CLDN16: variants seen among roughly 807,000 people sequenced by gnomAD.
The protein encoded by CLDN16 is claudin 16.
A neutral mutation model predicts 24.6 loss-of-function variants in CLDN16; 13 were observed. The observed-to-expected ratio is 0.53, with a 90% CI of 0.34 to 0.84. The LOEUF (loss-of-function observed/expected upper bound fraction) is 0.84. Among genes scored for constraint, CLDN16 ranks in the 40% least tolerant of loss-of-function variants. The probability of loss-of-function intolerance (pLI) is 0.01; values close to 1 mark genes in which losing one functional copy is unlikely to be tolerated. For synonymous variants in CLDN16, 116 were observed against 106.7 expected (o/e 1.09, Z -0.54); for missense variants, 298 against 292.7 (o/e 1.02, Z -0.13).
At chr3:190,298,274 G>A in the CLDN16 span, among the ~76,000 whole-genome samples, 1 of 150,720 alleles carries the variant, frequency 6.6e-6, no homozygotes, top group Non-Finnish European at 1.5e-5. Flanking sequence ...TCTTTCAAAG[G>A]AAACATTATA....
chr3:190,343,551 C>T (rs1258772426), intron 1 of CLDN16, among the ~76,000 whole-genome samples: 1 of 152,034 alleles, frequency 6.6e-6, no homozygotes, highest in Non-Finnish European at 1.5e-5. Context: ...CAGAAACAAC[C>T]TAGGTGTACA....
intron 1 of CLDN16, among the ~76,000 whole-genome samples, chr3:190,335,023 C>CTTTTTTTTTTTTTTTT (rs57744577): frequency 7.4e-5 from 10 of 134,338 alleles, no homozygotes; most frequent in Admixed American, 1.5e-4. Context: ...TTTCTTTTTT[C>CTTTTTTTTTTTTTTTT]TTTTTTTTTT....
At chr3:190,314,071 C>A in the CLDN16 span, among the ~76,000 whole-genome samples, 1 of 152,102 alleles carries the variant, frequency 6.6e-6, no homozygotes, top group African/African-American at 2.4e-5. Flanking sequence ...TTAGCTTTAA[C>A]AAACTGTGCT....
intron 3 of CLDN16, among the ~76,000 whole-genome samples, chr3:190,375,747 C>A (rs1718234234): frequency 6.6e-6 from 1 of 151,810 alleles, no homozygotes; most frequent in Non-Finnish European, 1.5e-5. Flanking sequence ...AAAATGAGTG[C>A]CTCACAGGTT....
At chr3:190,364,421 T>C (rs978131101) in intron 1 of CLDN16, among the ~76,000 whole-genome samples, 4 of 151,952 alleles carry the variant, frequency 2.6e-5, no homozygotes, top group Non-Finnish European at 5.9e-5. Context: ...TTTGTGGTTC[T>C]GACAGAACAT....
chr3:190,387,425 G>A (rs1389482413), upstream of CLDN16, among the ~76,000 whole-genome samples: 1 of 151,974 alleles, frequency 6.6e-6, no homozygotes, highest in Non-Finnish European at 1.5e-5. Flanking sequence ...TAATAATATA[G>A]GAAATTCTTA....
the CLDN16 span, among the ~76,000 whole-genome samples, chr3:190,296,777 C>A: frequency 6.6e-6 from 1 of 152,034 alleles, no homozygotes; most frequent in East Asian, 1.9e-4. Flanking sequence ...GTCTCGATCT[C>A]CTGACCTCGT....
At chr3:190,308,520 T>TA in the CLDN16 span, 1 of 1,299,126 alleles carries the variant, frequency 7.7e-7, no homozygotes, top group African/African-American at 1.5e-5. Context: ...AAAAAATCAA[T>TA]ACTCATTGTA....
intron 1 of CLDN16, among the ~76,000 whole-genome samples, chr3:190,359,030 C>T (rs971192146): frequency 1.3e-5 from 2 of 151,832 alleles, no homozygotes; most frequent in African/African-American, 4.8e-5. Flanking sequence ...TTCTGATATT[C>T]TATTGTTTTG....
chr3:190,322,549 G>C (rs1454519880), exon 1 of CLDN16: 1 of 315,528 alleles, frequency 3.2e-6, no homozygotes, highest in Non-Finnish European at 5.9e-6. Context: ...CCGAGAGGGC[G>C]CCGGGAGCGC....
At chr3:190,402,650 G>T (rs1346143205) in intron 2 of CLDN16, among the ~76,000 whole-genome samples, 5 of 152,088 alleles carry the variant, frequency 3.3e-5, no homozygotes, top group African/African-American at 1.2e-4. Flanking sequence ...TAAATTCATT[G>T]AGGGAAAAAT....
rs746240348 is a variant in CLDN16 at position 190,402,298 on chromosome 3, G to T, written c.115-39G>T. On this transcript the variant is annotated intron_variant, in intron 1 of 4. Coordinates refer to ENST00000264734, the MANE Select transcript of CLDN16 (RefSeq NM_006580.4). ...GATCAAGGGGAACTGAACTGTGCCT[G>T]CATGAATTGTTTCACACGGTGTCTT... is the stretch of plus-strand genomic sequence containing the variant. 2.7e-6 allele frequency: 4 copies of T among 1,462,046 alleles called. No homozygotes were observed. The East Asian group carries it at 6.8e-5, about 25-fold the overall frequency. 90.6% of individuals were successfully genotyped at this position (1,462,046 alleles called of 1,614,324 possible). A position where few individuals can be genotyped will look rare whatever the true frequency, so the allele number is the denominator to read the frequency against.
At chr3:190,347,110 T>G (rs2108633026) in intron 1 of CLDN16, among the ~76,000 whole-genome samples, 1 of 152,198 alleles carries the variant, frequency 6.6e-6, no homozygotes, top group African/African-American at 2.4e-5. Context: ...TAAAAATATG[T>G]CCAAGGTCAC....
intron 3 of CLDN16, among the ~76,000 whole-genome samples, chr3:190,375,604 G>A (rs537758416): frequency 1.3e-5 from 2 of 151,898 alleles, no homozygotes; most frequent in Non-Finnish European, 2.9e-5. Flanking sequence ...AATTTTAGAT[G>A]TAAGTAAAAC....
chr3:190,322,575 G>A (rs1376328300), exon 1 of CLDN16: 1 of 308,378 alleles, frequency 3.2e-6, no homozygotes, highest in Non-Finnish European at 6.1e-6. Context: ...TGGGGAACGC[G>A]CGGCTGGCGG....
chr3:190,311,604 T>G, the CLDN16 span, among the ~76,000 whole-genome samples: 2 of 151,170 alleles, frequency 1.3e-5, no homozygotes, highest in Non-Finnish European at 2.9e-5. Flanking sequence ...ATCTGTTATT[T>G]TTTTAAAATA....
At chr3:190,331,702 T>G (rs1445463501) in intron 1 of CLDN16, among the ~76,000 whole-genome samples, 1 of 152,216 alleles carries the variant, frequency 6.6e-6, no homozygotes, top group Non-Finnish European at 1.5e-5. Context: ...TTTTAAAATA[T>G]CTCTCTAAAA....
intron 1 of CLDN16, among the ~76,000 whole-genome samples, chr3:190,343,898 A>G (rs1175121661): frequency 6.6e-6 from 1 of 152,090 alleles, no homozygotes; most frequent in Non-Finnish European, 1.5e-5. Context: ...TCTAATGTAC[A>G]AATAGAGACT....
the CLDN16 span, among the ~76,000 whole-genome samples, chr3:190,290,983 AGTAATGAGGGGCTG>A: frequency 6.6e-6 from 1 of 152,170 alleles, no homozygotes; most frequent in Admixed American, 6.5e-5. Context: ...GATGTTAGAG[AGTAATGAGGGGCTG>A]GGTTATGTAC....
Sources: gnomAD v4.1 joint callset for allele counts (sites outside exome capture counted in the v4.1 genomes callset) on GRCh38, gnomAD v4.1.1 for gene constraint, MANE v1.5 for transcripts, NCBI Gene and HGNC (gene_info 2026-07-23, HGNC 2026-07-21) for gene names.